Variants in CNIH3 observed in about 807,000 individuals in gnomAD.
The protein encoded by CNIH3 is protein cornichon homolog 3.
A neutral mutation model predicts 24.1 loss-of-function variants in CNIH3; 14 were observed. The observed-to-expected ratio is 0.58, with a 90% CI of 0.38 to 0.91. CNIH3 has a LOEUF of 0.91. Among genes scored for constraint, CNIH3 ranks in the 40% least tolerant of loss-of-function variants. The pLI, the probability that CNIH3 is intolerant of heterozygous loss-of-function variation, is 0.00. For synonymous variants in CNIH3, 68 were observed against 73.8 expected, an observed-to-expected ratio of 0.92 and a Z score of 0.40; for missense variants, 178 against 196.8, an observed-to-expected ratio of 0.90 and a Z score of 0.57.
intron 2 of CNIH3, among the ~76,000 whole-genome samples, chr1:224,530,833 T>G (rs149302079): frequency 1.1e-4 from 16 of 152,164 alleles, no homozygotes; most frequent in Admixed American, 3.3e-4. Context: ...CTCCTGACCT[T>G]GTGATACACC....
chr1:224,580,018 G>A (rs903875769), intron 4 of CNIH3, among the ~76,000 whole-genome samples: 2 of 152,148 alleles, frequency 1.3e-5, no homozygotes, highest in Non-Finnish European at 2.9e-5. Flanking sequence ...AAATCAGTCT[G>A]TAAATCTTCA....
intron 1 of CNIH3, among the ~76,000 whole-genome samples, chr1:224,492,813 C>G (rs1558105135): frequency 1.3e-5 from 2 of 152,178 alleles, no homozygotes; most frequent in Non-Finnish European, 2.9e-5. Context: ...CCGAGTCTAC[C>G]TGTTACAGTT....
chr1:224,638,120 G>T (rs1430430255), intron 1 of CNIH3, among the ~76,000 whole-genome samples: 2 of 152,260 alleles, frequency 1.3e-5, no homozygotes, highest in African/African-American at 4.8e-5. Flanking sequence ...ACGCCTTGCG[G>T]CTGTGCATGT....
At chr1:224,680,758 C>T (rs1391898812) in intron 1 of CNIH3, among the ~76,000 whole-genome samples, 200 bp from the exon 2 acceptor site, 4 of 152,140 alleles carry the variant, frequency 2.6e-5, no homozygotes, top group South Asian at 2.1e-4. Flanking sequence ...CAATTTTAAG[C>T]GTACACAGTA....
At chr1:224,568,204 T>G (rs924369615) in intron 4 of CNIH3, among the ~76,000 whole-genome samples, 4 of 152,018 alleles carry the variant, frequency 2.6e-5, no homozygotes, top group African/African-American at 9.7e-5. Flanking sequence ...GGAGGAGAAT[T>G]GCTTGAACCA....
upstream of CNIH3, chr1:224,615,428 C>T (rs1682909452): frequency 6.6e-6 from 1 of 152,178 alleles, no homozygotes; most frequent in South Asian, 2.1e-4. Flanking sequence ...TGCTGGGCCA[C>T]TGGGGGAAAG....
chr1:224,525,786 C>T (rs1678822279), intron 2 of CNIH3, among the ~76,000 whole-genome samples: 1 of 151,980 alleles, frequency 6.6e-6, no homozygotes, highest in South Asian at 2.1e-4. Flanking sequence ...TGGAAGGAGC[C>T]AAAAGCTGAG....
intron 1 of CNIH3, among the ~76,000 whole-genome samples, chr1:224,645,315 G>GA (rs1206229143): frequency 2.0e-5 from 3 of 152,236 alleles, no homozygotes; most frequent in Non-Finnish European, 4.4e-5. Flanking sequence ...TGGTGCTGCA[G>GA]AGGAGACTCA....
chr1:224,580,415 C>G (rs753753479), intron 4 of CNIH3, among the ~76,000 whole-genome samples: 1 of 152,128 alleles, frequency 6.6e-6, no homozygotes, highest in Non-Finnish European at 1.5e-5. Context: ...CATAAGCCAC[C>G]GTAGGATCTG....
At chr1:224,724,275 A>G (rs1013184642) in intron 3 of CNIH3, among the ~76,000 whole-genome samples, 1 of 152,186 alleles carries the variant, frequency 6.6e-6, no homozygotes, top group Non-Finnish European at 1.5e-5. Context: ...CTACTGTATC[A>G]TGCCATTTGA....
At chr1:224,489,050 A>G (rs1264977304) in intron 1 of CNIH3, among the ~76,000 whole-genome samples, 3 of 151,972 alleles carry the variant, frequency 2.0e-5, no homozygotes, top group Admixed American at 1.3e-4. Context: ...TTCTTTGAAT[A>G]TTGAATAATT....
chr1:224,662,286 A>G (rs979955892), intron 1 of CNIH3, among the ~76,000 whole-genome samples: 1 of 152,206 alleles, frequency 6.6e-6, no homozygotes, highest in Admixed American at 6.5e-5. Context: ...GAGAGCTGAG[A>G]TATTAGACAG....
At chr1:224,645,958 G>A (rs1033557918) in intron 1 of CNIH3, among the ~76,000 whole-genome samples, 5 of 152,180 alleles carry the variant, frequency 3.3e-5, no homozygotes, top group African/African-American at 9.7e-5. Flanking sequence ...CAGTATGCAG[G>A]CTATTTTGGG....
upstream of CNIH3, chr1:224,615,811 G>A (rs1682932068): frequency 6.6e-6 from 1 of 152,220 alleles, no homozygotes; most frequent in South Asian, 2.1e-4. Context: ...AGCAGTAAAC[G>A]CAGCCCTAAG....
intron 1 of CNIH3, chr1:224,434,907 G>T: frequency 2.0e-6 from 2 of 986,014 alleles, no homozygotes; most frequent in Non-Finnish European, 2.4e-6. Flanking sequence ...GTGCATCGGG[G>T]GCTGTCCCGG....
chr1:224,544,763 C>T (rs1034042885), intron 2 of CNIH3, among the ~76,000 whole-genome samples: 2 of 152,184 alleles, frequency 1.3e-5, no homozygotes, highest in African/African-American at 4.8e-5. Context: ...ACGACCACCA[C>T]CATTATTGCT....
At chr1:224,624,296 TG>T (rs1179974755) in intron 1 of CNIH3, among the ~76,000 whole-genome samples, 1 of 152,204 alleles carries the variant, frequency 6.6e-6, no homozygotes, top group African/African-American at 2.4e-5. Flanking sequence ...GTTGTTTTTC[TG>T]GGGCCCTGTT....
At chr1:224,502,502 C>T (rs61825793) in intron 1 of CNIH3, among the ~76,000 whole-genome samples, 5,053 of 152,308 alleles carry the variant, frequency 0.033, 137 homozygotes, top group Non-Finnish European at 0.048. Flanking sequence ...TCCAGAGCCT[C>T]CTGGCTTGCA....
At chr1:224,599,421 G>A (rs1682117358) in intron 3 of CNIH3, among the ~76,000 whole-genome samples, 4 of 152,154 alleles carry the variant, frequency 2.6e-5, no homozygotes, top group Admixed American at 2.6e-4. Context: ...ATCCAAGGAG[G>A]TTTGCTAACA....
Sources: allele counts gnomAD v4.1 joint callset (sites outside exome capture counted in the v4.1 genomes callset), GRCh38; gene constraint gnomAD v4.1.1; transcripts MANE v1.5; gene names NCBI Gene and HGNC (gene_info 2026-07-23, HGNC 2026-07-21).